Variants in GTF3C1 observed in about 807,000 individuals in gnomAD.
GTF3C1 encodes general transcription factor 3C polypeptide 1.
A neutral mutation model predicts 226.7 loss-of-function variants in GTF3C1; 57 were observed. The observed-to-expected ratio is 0.25, with a 90% CI of 0.20 to 0.31. The LOEUF (loss-of-function observed/expected upper bound fraction) is 0.31. GTF3C1 is among the 10% of genes least tolerant of loss of function. The probability of loss-of-function intolerance (pLI) is 1.00; values close to 1 mark genes in which losing one functional copy is unlikely to be tolerated. For synonymous variants in GTF3C1, 1,090 were observed against 1,084.8 expected (o/e 1.00, Z -0.09); for missense variants, 2,217 against 2,776.1 (o/e 0.80, Z 4.53).
Position 27,549,665 on chromosome 16 carries a change from C to G in GTF3C1, c.221+5G>C. 3 of 1,520,650 alleles carry G rather than the reference C, an allele frequency of 2.0e-6. No homozygotes were observed. The highest frequency in any genetic ancestry group is 2.7e-6 in the Non-Finnish European group (3 of 1,123,942). The allele number at this position is 1,520,650 out of a possible 1,614,324, so 94.2% of individuals were successfully genotyped here. A position where few individuals can be genotyped will look rare whatever the true frequency, so the allele number is the denominator to read the frequency against. On this transcript the variant is annotated splice_donor_5th_base_variant and intron_variant, in intron 1 of 36. Transcript: ENST00000356183. Reference sequence around the variant, plus strand: ...CCCGCCCGCCAGGCCAGGCCGCCCGCTGACCGGTCCTGGAGCTGTAGGTCG... The same window carrying G: ...CCCGCCCGCCAGGCCAGGCCGCCCGGTGACCGGTCCTGGAGCTGTAGGTCG...
rs139965525 is a variant in GTF3C1, at chr16:27,496,735, T to C, written c.2350+902A>G. On this transcript the variant is annotated intron_variant, in intron 14 of 36. Coordinates refer to ENST00000356183, the MANE Select transcript of GTF3C1 (RefSeq NM_001520.4). ...GTTCTTTTAAAGGGGCTTATTTCTTTGTTGATACAAATGCGCTGTTGCTTG... is the reference window on the plus strand; with the variant it reads ...GTTCTTTTAAAGGGGCTTATTTCTTCGTTGATACAAATGCGCTGTTGCTTG... 3.3e-4 allele frequency among the ~76,000 whole-genome samples: 51 copies of C among 152,324 alleles called. 1 individual carries two copies. Among genetic ancestry groups the C allele is most frequent in the African/African-American group, 1.1e-3 (45 of 41,576 alleles).
Position 27,478,510 on chromosome 16 carries a change from C to T in GTF3C1, c.4218G>A (p.Gly1406=), listed in dbSNP as rs1157187805. The T allele has an allele frequency of 3.1e-6, 5 of 1,612,096 alleles. No homozygotes were observed. In the South Asian group the frequency reaches 4.4e-5, roughly 14 times the overall value. The part of the protein sequence containing the change: ...LFARYRVLAI[G]DEKDQTRKED... Reference sequence around the variant, plus strand: ...CTTTCCTGGTTTGATCTTTTTCATCCCCAATTGCCAAAACTCGGTACCTGC... The same window carrying T: ...CTTTCCTGGTTTGATCTTTTTCATCTCCAATTGCCAAAACTCGGTACCTGC... The change falls in exon 28 of 37, where the codon GGG becomes GGA. Residue 1406 remains glycine, a synonymous_variant. Coordinates refer to ENST00000356183, the MANE Select transcript of GTF3C1 (RefSeq NM_001520.4).
rs149815020 is a variant in GTF3C1 at position 27,520,346 on chromosome 16, C to T, written c.973+8252G>A. Among the ~76,000 whole-genome samples the T allele has an allele frequency of 7.0e-3, 1,062 of 152,178 alleles. 16 individuals are homozygous for T. The highest frequency in any genetic ancestry group is 0.024 in the African/African-American group (1,008 of 41,522). ...GCCAAGCTGGTCTCCAACTCCTGAC[C>T]TCAAATGATCCACCTGCCTCGACCT... On this transcript the variant is annotated intron_variant, in intron 6 of 36. Transcript: ENST00000356183.
chr16:27,467,731 G>A (rs1011160778), intron 32 of GTF3C1, among the ~76,000 whole-genome samples: 3 of 152,112 alleles, frequency 2.0e-5, no homozygotes, highest in Non-Finnish European at 4.4e-5. Context: ...TTAGCCGGGT[G>A]TGTTGGTGGG....
intron 6 of GTF3C1, among the ~76,000 whole-genome samples, chr16:27,520,166 G>C (rs1348065646): frequency 6.6e-6 from 1 of 152,156 alleles, no homozygotes; most frequent in Non-Finnish European, 1.5e-5. Flanking sequence ...ACCCAGACTG[G>C]AGTGCAGTGG....
intron 7 of GTF3C1, among the ~76,000 whole-genome samples, chr16:27,509,166 C>T (rs184633848): frequency 3.3e-5 from 5 of 152,266 alleles, no homozygotes; most frequent in South Asian, 2.1e-4. Flanking sequence ...GTCGTGCAAG[C>T]GAGGACTTTG....
At chr16:27,529,313 T>C (rs1011304086) in intron 5 of GTF3C1, among the ~76,000 whole-genome samples, 2 of 151,888 alleles carry the variant, frequency 1.3e-5, no homozygotes, top group Non-Finnish European at 2.9e-5. Flanking sequence ...TGCGGTGGCA[T>C]ATGCCTGTAA....
Position 27,505,926 on chromosome 16 carries a change from G to A in GTF3C1, c.1743C>T (p.Ile581=), listed in dbSNP as rs35776875. The A allele has an allele frequency of 9.0e-3, 14,491 of 1,610,976 alleles. 75 individuals carry two copies. The highest frequency in any genetic ancestry group is 0.011 in the Non-Finnish European group (13,254 of 1,177,174). The change falls in exon 10 of 37, where the codon ATC becomes ATT. Residue 581 remains isoleucine (I), a synonymous_variant. Coordinates refer to ENST00000356183, the MANE Select transcript of GTF3C1 (RefSeq NM_001520.4). Reference sequence around the variant, plus strand: ...TTGGGTTTTCCATCCGGACCTCCTCGATCACAGCTATGTCACCACTGTTGC... The same window carrying A: ...TTGGGTTTTCCATCCGGACCTCCTCAATCACAGCTATGTCACCACTGTTGC... ...ADSNSGDIAV[I]EEVRMENPKE...
At chr16:27,545,940 C>T (rs2089155876) in intron 1 of GTF3C1, among the ~76,000 whole-genome samples, 1 of 152,178 alleles carries the variant, frequency 6.6e-6, no homozygotes, top group Non-Finnish European at 1.5e-5. Context: ...CCTCCACTTC[C>T]CAGGTTCAAG....
rs2087858272 is a variant in GTF3C1 at position 27,470,960 on chromosome 16, A to G, written c.4527-565T>C. On this transcript the variant is annotated intron_variant, in intron 30 of 36. Transcript: ENST00000356183. This position sits in a 1 kb window ranked among gnomAD's most constrained non-coding sequence, Gnocchi z 4.9. ...GCGGTCAGAGCAGTGTCTCCGTGACAAATGGCCTTGTTGGATTTGGGCACG... is the reference window on the plus strand; with the variant it reads ...GCGGTCAGAGCAGTGTCTCCGTGACGAATGGCCTTGTTGGATTTGGGCACG... 6.6e-6 allele frequency among the ~76,000 whole-genome samples: 1 copy of G among 152,240 alleles called. No homozygotes were observed. The highest frequency in any genetic ancestry group is 6.5e-5 in the Admixed American group (1 of 15,290).
rs1264888820 is a variant in GTF3C1 at position 27,470,293 on chromosome 16, A to G, written c.4629T>C (p.Ser1543=). The G allele has an allele frequency of 4.3e-6, 7 of 1,613,898 alleles. No homozygotes were observed. Among genetic ancestry groups the G allele is most frequent in the Non-Finnish European group, 5.9e-6 (7 of 1,179,744 alleles). The part of the protein sequence containing the change: ...AGKLDQPDRF[S]FKDQDNNEPT... ...GCTCGTTATTATCCTGGTCTTTGAAAGAGAAACGATCAGGCTGGTCCAACT... is the reference window on the plus strand; with the variant it reads ...GCTCGTTATTATCCTGGTCTTTGAAGGAGAAACGATCAGGCTGGTCCAACT... Residue 1543 remains serine, a synonymous_variant, in exon 31 of 37, where the codon TCT becomes TCC. Coordinates refer to ENST00000356183, the MANE Select transcript of GTF3C1 (RefSeq NM_001520.4). This position sits in a 1 kb window ranked among gnomAD's most constrained non-coding sequence, Gnocchi z 4.9.
In GTF3C1 at chr16:27,470,330, C is replaced by T. The variant is rs752889331; in HGVS notation, c.4592G>A (p.Arg1531Gln). The T allele has an allele frequency of 4.8e-5, 77 of 1,613,696 alleles. No individual in the cohort carries two copies. The highest frequency in any genetic ancestry group is 1.6e-4 in the Middle Eastern group (1 of 6,080). Residue 1531 changes from arginine to glutamine, a missense_variant, in exon 31 of 37, where the codon CGG (arginine) becomes CAG (glutamine). Coordinates refer to ENST00000356183, the MANE Select transcript of GTF3C1 (RefSeq NM_001520.4). The surrounding 1 kb of genome is among the most constrained non-coding windows in gnomAD (Gnocchi z 4.9). Reference sequence around the variant, plus strand: ...AGGCTGGTCCAACTTGCCGGCAGCCCGCATTCTGTCCAAAAACTGGAATGA... The same window carrying T: ...AGGCTGGTCCAACTTGCCGGCAGCCTGCATTCTGTCCAAAAACTGGAATGA... ...TESFQFLDRM[R>Q]AAGKLDQPDR...
intron 16 of GTF3C1, among the ~76,000 whole-genome samples, chr16:27,493,557 T>C (rs1056714326): frequency 2.0e-5 from 3 of 152,150 alleles, no homozygotes; most frequent in African/African-American, 7.2e-5. Flanking sequence ...TGCTAAACCT[T>C]TCCCGGGGGC....
intron 15 of GTF3C1, 35 bp downstream of exon 15, chr16:27,495,176 C>T (rs755000984): frequency 6.5e-7 from 1 of 1,546,374 alleles, no homozygotes; most frequent in South Asian, 1.1e-5. Flanking sequence ...CTGGGCCTGC[C>T]CGCCCCAGGT....
chr16:27,484,454 T>C (rs2088104348), intron 24 of GTF3C1, 101 bp from the exon 25 acceptor site: 4 of 772,492 alleles, frequency 5.2e-6, no homozygotes, highest in Middle Eastern at 2.6e-4. Context: ...TTGTGCAGCC[T>C]CCTTCCTCAG....
chr16:27,498,497 T>C, intron 13 of GTF3C1, 133 bp downstream of exon 13: 1 of 700,138 alleles, frequency 1.4e-6, no homozygotes, highest in South Asian at 1.6e-5. Flanking sequence ...TAGGAGATCA[T>C]GAACCATGAA....
At chr16:27,464,250 G>T in intron 34 of GTF3C1, 70 bp downstream of exon 34, 1 of 976,182 alleles carries the variant, frequency 1.0e-6, no homozygotes, top group Non-Finnish European at 1.4e-6. Context: ...AAGGTGTGAG[G>T]CCCATCAGGG....
rs936469653 is a variant in GTF3C1, at chr16:27,492,984, T to C, written c.2876+215A>G. On this transcript the variant is annotated intron_variant, in intron 17 of 36. Transcript: ENST00000356183. The surrounding 1 kb of genome is among the most constrained non-coding windows in gnomAD (Gnocchi z 5.0). ...AAAAAATTCCGATACTTGCAGACAC[T>C]AGCAGCAGATTTTACTTTAAAAGAA... is the stretch of plus-strand genomic sequence containing the variant. Among the ~76,000 whole-genome samples, 1 of 152,200 alleles carries C rather than the reference T, an allele frequency of 6.6e-6. No homozygotes were observed. The highest frequency in any genetic ancestry group is 1.5e-5 in the Non-Finnish European group (1 of 68,040).
intron 29 of GTF3C1, 132 bp from the exon 30 acceptor site, chr16:27,472,052 G>A (rs1322679609): frequency 8.5e-6 from 6 of 706,066 alleles, no homozygotes; most frequent in South Asian, 5.2e-5. Context: ...CCAGGCTGGC[G>A]TATGTGTGTG....
Sources: allele counts gnomAD v4.1 joint callset (sites outside exome capture counted in the v4.1 genomes callset), GRCh38; gene constraint gnomAD v4.1.1; non-coding constraint Gnocchi (gnomAD v3.1); transcripts MANE v1.5; gene names NCBI Gene and HGNC (gene_info 2026-07-23, HGNC 2026-07-21).